RFX3: variants seen among roughly 807,000 people sequenced by gnomAD.
The protein encoded by RFX3 is transcription factor RFX3.
RFX3 carries 14 observed loss-of-function variants against 98.6 expected under a neutral mutation model. The observed-to-expected ratio is 0.14, with a 90% CI of 0.09 to 0.22. The LOEUF is 0.22. RFX3 is among the 10% of genes least tolerant of loss of function. The pLI, the probability that RFX3 is intolerant of heterozygous loss-of-function variation, is 1.00. For synonymous variants in RFX3, 383 were observed against 328.4 expected, an observed-to-expected ratio of 1.17 and a Z score of -1.80; for missense variants, 639 against 926.9, an observed-to-expected ratio of 0.69 and a Z score of 4.03.
intron 3 of RFX3, among the ~76,000 whole-genome samples, chr9:3,331,400 C>T (rs890099107): frequency 6.6e-6 from 1 of 151,950 alleles, no homozygotes; most frequent in African/African-American, 2.4e-5. Flanking sequence ...ATCTTTTTAA[C>T]TTTTTATTTT....
At chr9:3,446,878 C>G (rs1020755458) in intron 1 of RFX3, among the ~76,000 whole-genome samples, 2 of 151,864 alleles carry the variant, frequency 1.3e-5, no homozygotes, top group Admixed American at 1.3e-4. Context: ...AGAACTAATT[C>G]TTTTTAAAAA....
chr9:3,431,672 T>G (rs1844668552), intron 1 of RFX3, among the ~76,000 whole-genome samples: 1 of 151,966 alleles, frequency 6.6e-6, no homozygotes, highest in South Asian at 2.1e-4. Context: ...AAAAGGAAGG[T>G]GAATGATCTA....
At chr9:3,269,844 T>C (rs1319425657) in intron 11 of RFX3, among the ~76,000 whole-genome samples, 1 of 152,078 alleles carries the variant, frequency 6.6e-6, no homozygotes, top group Non-Finnish European at 1.5e-5. Context: ...GAATTCAACT[T>C]CAGTGGAAAT....
chr9:3,410,007 G>A (rs562619449), intron 1 of RFX3, among the ~76,000 whole-genome samples: 2 of 152,204 alleles, frequency 1.3e-5, no homozygotes, highest in South Asian at 2.1e-4. Context: ...CCTGACAGAC[G>A]CGCAAAGTGC....
intron 1 of RFX3, chr9:3,488,839 T>C (rs1438144271): frequency 1.0e-6 from 1 of 984,720 alleles, no homozygotes; most frequent in Non-Finnish European, 1.2e-6. Flanking sequence ...CTTTGTCTCT[T>C]AACTAGCAGA....
At chr9:3,429,640 T>C (rs1246611191) in intron 1 of RFX3, among the ~76,000 whole-genome samples, 1 of 152,198 alleles carries the variant, frequency 6.6e-6, no homozygotes, top group East Asian at 1.9e-4. Context: ...CCGTCTTATA[T>C]TCTGGCTTGC....
rs188141472 is a variant in RFX3, at chr9:3,478,191, T to A, written c.-9+47556A>T. Among the ~76,000 whole-genome samples the A allele has an allele frequency of 2.9e-4, 44 of 152,260 alleles. 1 individual carries two copies. Among genetic ancestry groups the A allele is most frequent in the Admixed American group, 1.7e-3 (26 of 15,284 alleles). On this transcript the variant is annotated intron_variant, in intron 1 of 16. Transcript: ENST00000617270. Reference sequence around the variant, plus strand: ...TATTATTTGTCTCTGTGTGTTTTATTTCCTGTTTCTTTGCATTTCTCAATT... The same window carrying A: ...TATTATTTGTCTCTGTGTGTTTTATATCCTGTTTCTTTGCATTTCTCAATT...
intron 7 of RFX3, among the ~76,000 whole-genome samples, chr9:3,284,153 C>T (rs975792279): frequency 2.6e-5 from 4 of 151,664 alleles, no homozygotes; most frequent in African/African-American, 9.7e-5. Context: ...TTGAGAATGG[C>T]TACTGGGATC....
intron 1 of RFX3, among the ~76,000 whole-genome samples, chr9:3,425,100 T>G (rs561777985): frequency 6.6e-6 from 1 of 152,160 alleles, no homozygotes; most frequent in African/African-American, 2.4e-5. Flanking sequence ...TAGCCAGGCA[T>G]GGTGGCCCAC....
chr9:3,360,923 G>C (rs1361599794), intron 2 of RFX3, among the ~76,000 whole-genome samples: 1 of 152,150 alleles, frequency 6.6e-6, no homozygotes, highest in Admixed American at 6.5e-5. Flanking sequence ...AGTCAGCTAA[G>C]AACAATACTA....
chr9:3,452,559 C>G lies in RFX3; in HGVS notation c.-8-56963G>C, dbSNP rs534904531. Reference sequence around the variant, plus strand: ...AGTGAACTATGATTGTGCCACTGCACTCCAGCCTGGGCAAAATAAAAATAA... The same window carrying G: ...AGTGAACTATGATTGTGCCACTGCAGTCCAGCCTGGGCAAAATAAAAATAA... On this transcript the variant is annotated intron_variant, in intron 1 of 16. Coordinates refer to ENST00000617270, the MANE Select transcript of RFX3 (RefSeq NM_001282116.2). Among the ~76,000 whole-genome samples, 8 of 152,304 alleles carry G rather than the reference C, an allele frequency of 5.3e-5. No individual in the cohort carries two copies. In the South Asian group the frequency reaches 1.7e-3, roughly 32 times the overall value.
intron 6 of RFX3, among the ~76,000 whole-genome samples, chr9:3,292,085 A>AAAC (rs1827449114): frequency 6.8e-6 from 1 of 146,236 alleles, no homozygotes; most frequent in African/African-American, 2.5e-5. Context: ...AAAAAAAAAA[A>AAAC]AAAAAAAAAA....
intron 13 of RFX3, among the ~76,000 whole-genome samples, chr9:3,258,160 A>T (rs1380928478): frequency 6.6e-6 from 1 of 152,134 alleles, no homozygotes; most frequent in Non-Finnish European, 1.5e-5. Context: ...CAGTTTCCCT[A>T]AGCATAAAAT....
intron 1 of RFX3, among the ~76,000 whole-genome samples, chr9:3,397,476 C>T (rs1325367546): frequency 2.6e-5 from 4 of 152,244 alleles, no homozygotes; most frequent in African/African-American, 2.4e-5. Flanking sequence ...AGCATGACTT[C>T]TTCTAATTTT....
intron 15 of RFX3, chr9:3,247,030 A>G: frequency 7.3e-6 from 7 of 962,186 alleles, no homozygotes; most frequent in Non-Finnish European, 8.7e-6. Context: ...AAAAGCATTG[A>G]ATAATATCTG....
chr9:3,366,656 CCT>C (rs1347090629), intron 2 of RFX3, among the ~76,000 whole-genome samples: 1 of 141,834 alleles, frequency 7.1e-6, no homozygotes, highest in African/African-American at 2.7e-5. Flanking sequence ...TCTTTCCTTT[CCT>C]TTTCTTTCTC....
chr9:3,478,148 CT>C (rs1849430901), intron 1 of RFX3, among the ~76,000 whole-genome samples: 1 of 151,990 alleles, frequency 6.6e-6, no homozygotes, highest in Non-Finnish European at 1.5e-5. Context: ...CCCACAGGGA[CT>C]TTTTTTGTTC....
At chr9:3,329,127 G>A (rs769743770) in intron 4 of RFX3, among the ~76,000 whole-genome samples, 19 of 151,948 alleles carry the variant, frequency 1.3e-4, no homozygotes, top group African/African-American at 3.1e-4. Flanking sequence ...TGTGTTGGCC[G>A]GGCTCAGTGG....
intron 1 of RFX3, among the ~76,000 whole-genome samples, chr9:3,475,432 T>C (rs1338858697): frequency 6.6e-6 from 1 of 151,066 alleles, no homozygotes; most frequent in East Asian, 2.0e-4. Context: ...GGAGTGTGAG[T>C]CATCTCCAAT....
Sources: gnomAD v4.1 joint callset for allele counts (sites outside exome capture counted in the v4.1 genomes callset) on GRCh38, gnomAD v4.1.1 for gene constraint, MANE v1.5 for transcripts, NCBI Gene and HGNC (gene_info 2026-07-23, HGNC 2026-07-21) for gene names.